The following CEP128 variants were observed in gnomAD, a reference collection of about 807,000 sequenced individuals.
The protein encoded by CEP128 is centrosomal protein 128.
CEP128 carries 132 observed loss-of-function variants against 156.7 expected under a neutral mutation model. That is an observed-to-expected ratio of 0.84 (90% CI 0.73 to 0.97). The LOEUF (loss-of-function observed/expected upper bound fraction) is 0.97. CEP128 is among the 50% of genes least tolerant of loss of function. The probability of loss-of-function intolerance (pLI) is 0.00; values close to 1 mark genes in which losing one functional copy is unlikely to be tolerated. For missense variants in CEP128, 1,252 were observed against 1,281.9 expected (o/e 0.98, Z 0.36); for synonymous variants, 469 against 448.9 (o/e 1.04, Z -0.57).
intron 19 of CEP128, among the ~76,000 whole-genome samples, chr14:80,617,525 G>A (rs544196992): frequency 1.3e-5 from 2 of 150,868 alleles, no homozygotes; most frequent in African/African-American, 2.4e-5. Context: ...ATGAGCCACC[G>A]CGCCCGGCCG....
At chr14:80,680,909 G>A (rs961398755) in intron 19 of CEP128, among the ~76,000 whole-genome samples, 1 of 152,128 alleles carries the variant, frequency 6.6e-6, no homozygotes, top group African/African-American at 2.4e-5. Context: ...CCAGTGCTGA[G>A]CAGAGAGCTC....
chr14:80,944,607 G>A (rs1187819462), upstream of CEP128, among the ~76,000 whole-genome samples: 4 of 151,776 alleles, frequency 2.6e-5, no homozygotes, highest in African/African-American at 9.7e-5. Flanking sequence ...CGGATCACGA[G>A]GTCAGGAGAT....
chr14:80,913,530 T>G (rs115587433), intron 4 of CEP128, among the ~76,000 whole-genome samples: 1,981 of 152,270 alleles, frequency 0.013, 26 homozygotes, highest in South Asian at 0.079. Context: ...GGAGGTTGGA[T>G]AGAATTGGAG....
At chr14:80,641,806 AAT>A (rs1894420463) in intron 19 of CEP128, among the ~76,000 whole-genome samples, 1 of 152,190 alleles carries the variant, frequency 6.6e-6, no homozygotes, top group South Asian at 2.1e-4. Context: ...TAAATTAAGC[AAT>A]ATATGTTAGG....
At chr14:80,943,209 T>C (rs1886237738), upstream of CEP128, among the ~76,000 whole-genome samples, 1 of 152,238 alleles carries the variant, frequency 6.6e-6, no homozygotes, top group Non-Finnish European at 1.5e-5. Context: ...GACATTGTTT[T>C]AGACACTGAA....
At chr14:80,955,646 G>C (rs776681439) in intron 2 of CEP128, 7 of 1,612,540 alleles carry the variant, frequency 4.3e-6, no homozygotes, top group Non-Finnish European at 5.9e-6. Context: ...AGGCGATTTC[G>C]GAGGATGGAG....
chr14:80,875,209 A>G lies in CEP128; in HGVS notation c.646-12336T>C, dbSNP rs149975246. ...TTGGACTGGAATCCTGAAGGGCTAT[A>G]CGCAAGTAGTAAGGGTGAACCAGAA... On this transcript the variant is annotated intron_variant, in intron 8 of 24. Coordinates refer to ENST00000555265, the MANE Select transcript of CEP128 (RefSeq NM_152446.5). Among the ~76,000 whole-genome samples, 707 of 152,338 alleles carry G rather than the reference A, an allele frequency of 4.6e-3. 10 individuals are homozygous for G. The highest frequency in any genetic ancestry group is 0.016 in the African/African-American group (682 of 41,572).
chr14:80,857,215 CTTT>C (rs34279371), intron 9 of CEP128, among the ~76,000 whole-genome samples: 3 of 137,368 alleles, frequency 2.2e-5, no homozygotes, highest in Non-Finnish European at 1.6e-5. Flanking sequence ...GTGGTTTTGG[CTTT>C]TTTTTTTTTT....
At chr14:80,644,992 G>A (rs768281678) in intron 19 of CEP128, among the ~76,000 whole-genome samples, 14 of 152,080 alleles carry the variant, frequency 9.2e-5, no homozygotes, top group African/African-American at 1.4e-4. Context: ...ACAGTTTTGA[G>A]GAAAGACTAC....
At chr14:80,940,672 C>CTTT (rs113822362) in intron 1 of CEP128, among the ~76,000 whole-genome samples, 2 of 148,996 alleles carry the variant, frequency 1.3e-5, no homozygotes, top group Non-Finnish European at 3.0e-5. Flanking sequence ...GAGCCAGACT[C>CTTT]CTCAAAAAAA....
intron 20 of CEP128, among the ~76,000 whole-genome samples, chr14:80,574,012 C>A (rs1390466520): frequency 6.6e-6 from 1 of 152,120 alleles, no homozygotes; most frequent in Non-Finnish European, 1.5e-5. Flanking sequence ...GAGAAGAATA[C>A]GTGGGTATGC....
intron 19 of CEP128, among the ~76,000 whole-genome samples, chr14:80,653,782 G>T (rs975029185): frequency 3.3e-5 from 5 of 152,128 alleles, no homozygotes; most frequent in African/African-American, 1.2e-4. Context: ...TCTAAAGAGT[G>T]TTTCAAATTG....
intron 19 of CEP128, among the ~76,000 whole-genome samples, chr14:80,588,641 G>A (rs1370192784): frequency 2.6e-5 from 4 of 151,926 alleles, no homozygotes; most frequent in African/African-American, 9.7e-5. Flanking sequence ...TCAGACATAT[G>A]GTGTTTAATT....
intron 19 of CEP128, among the ~76,000 whole-genome samples, chr14:80,622,210 G>GT (rs1893508933): frequency 6.6e-6 from 1 of 152,012 alleles, no homozygotes; most frequent in African/African-American, 2.4e-5. Flanking sequence ...TGTTTTCTAA[G>GT]TTTTTTACTT....
chr14:80,517,896 G>T (rs1888563656), intron 23 of CEP128, among the ~76,000 whole-genome samples: 1 of 152,044 alleles, frequency 6.6e-6, no homozygotes, highest in African/African-American at 2.4e-5. Flanking sequence ...AGTGGCAATG[G>T]GCGCCTCGCT....
At chr14:80,564,577 T>G (rs1450775323) in intron 20 of CEP128, among the ~76,000 whole-genome samples, 4 of 152,254 alleles carry the variant, frequency 2.6e-5, no homozygotes, top group African/African-American at 9.6e-5. Flanking sequence ...TAATTGACTC[T>G]ATCTTGCTTT....
At chr14:80,800,309 T>C (rs764108179) in intron 13 of CEP128, among the ~76,000 whole-genome samples, 1 of 152,298 alleles carries the variant, frequency 6.6e-6, no homozygotes, top group Non-Finnish European at 1.5e-5. Flanking sequence ...TACATGAAGA[T>C]AAAGCACCCA....
intron 16 of CEP128, among the ~76,000 whole-genome samples, chr14:80,766,403 T>C (rs1329055648): frequency 6.6e-6 from 1 of 152,208 alleles, no homozygotes; most frequent in African/African-American, 2.4e-5. Flanking sequence ...GAAATGCTGT[T>C]GTAATTATAG....
intron 4 of CEP128, 120 bp downstream of exon 4, chr14:80,914,202 A>C: frequency 1.5e-6 from 1 of 656,398 alleles, no homozygotes; most frequent in Non-Finnish European, 2.7e-6. Flanking sequence ...ATAATAAATC[A>C]GTTTAAAATC....
Sources: gnomAD v4.1 joint callset for allele counts (sites outside exome capture counted in the v4.1 genomes callset) on GRCh38, gnomAD v4.1.1 for gene constraint, MANE v1.5 for transcripts, NCBI Gene and HGNC (gene_info 2026-07-23, HGNC 2026-07-21) for gene names.